NME7: variants seen among roughly 807,000 people sequenced by gnomAD.
The protein encoded by NME7 is NME/NM23 family member 7.
Under a neutral mutation model 49.1 loss-of-function variants are expected in NME7, and 41 were observed. The ratio of observed to expected loss-of-function variants is 0.83; its 90% CI spans 0.65 to 1.08. NME7 has a LOEUF of 1.08. NME7 is among the 50% of genes least tolerant of loss of function. The pLI, the probability that NME7 is intolerant of heterozygous loss-of-function variation, is 0.00. For synonymous variants in NME7, 139 were observed against 150.6 expected (o/e 0.92, Z 0.56); for missense variants, 423 against 463.4 (o/e 0.91, Z 0.80).
intron 10 of NME7, among the ~76,000 whole-genome samples, chr1:169,228,697 A>G (rs1647454556): frequency 6.6e-6 from 1 of 150,816 alleles, no homozygotes; most frequent in African/African-American, 2.4e-5. Context: ...AAAAAAAAAA[A>G]AAAAAAAAAG....
chr1:169,208,436 ATT>A (rs1660729254), intron 10 of NME7, among the ~76,000 whole-genome samples: 1 of 152,150 alleles, frequency 6.6e-6, no homozygotes, highest in Non-Finnish European at 1.5e-5. Flanking sequence ...TACTGTGTAT[ATT>A]ATCTCTGTAA....
intron 7 of NME7, among the ~76,000 whole-genome samples, chr1:169,282,731 T>G (rs1197626841): frequency 1.3e-5 from 2 of 152,206 alleles, no homozygotes; most frequent in East Asian, 3.8e-4. Flanking sequence ...AGGAGCAGGT[T>G]GTTCAGTTTC....
At chr1:169,220,557 C>T (rs770608592) in intron 10 of NME7, among the ~76,000 whole-genome samples, 1 of 152,122 alleles carries the variant, frequency 6.6e-6, no homozygotes, top group Non-Finnish European at 1.5e-5. Context: ...CTTCATTAAA[C>T]ACATGATCAT....
At chr1:169,286,974 C>G in intron 7 of NME7, 1 of 121,524 alleles carries the variant, frequency 8.2e-6, no homozygotes. Flanking sequence ...AAAAAAAGTG[C>G]TATTGAAGTA....
chr1:169,319,499 G>A (rs573943256), intron 3 of NME7, among the ~76,000 whole-genome samples: 4 of 152,274 alleles, frequency 2.6e-5, no homozygotes, highest in African/African-American at 4.8e-5. Flanking sequence ...CCAGGGAGAA[G>A]TATTCTTAAG....
chr1:169,185,155 T>TA (rs1660033071), intron 10 of NME7, among the ~76,000 whole-genome samples: 1 of 152,178 alleles, frequency 6.6e-6, no homozygotes, highest in African/African-American at 2.4e-5. Context: ...GTCAGCATGA[T>TA]ACAATTTCTT....
At position 169,367,784 on chromosome 1, in the gene NME7, G is replaced by A. The variant is rs1653944454; in HGVS notation, c.-74C>T. ...ACACCACCACCACCACCATCATACG[G>A]TTACTCAGGCAACAAAGCCCCGCCC... is the stretch of plus-strand genomic sequence containing the variant. On this transcript the variant is annotated 5_prime_UTR_variant, in exon 1 of 12. Coordinates refer to ENST00000367811, the MANE Select transcript of NME7 (RefSeq NM_013330.5). The A allele has an allele frequency of 6.3e-7, 1 of 1,594,978 alleles. No homozygotes were observed. Among genetic ancestry groups the A allele is most frequent in the Non-Finnish European group, 8.6e-7 (1 of 1,163,426 alleles).
In NME7 at chr1:169,280,504, T is replaced by C. The variant is rs528308477; in HGVS notation, c.754+6799A>G. ...TTATGGCTTTTGTTGCCATTGCTTT[T>C]GGTGTTTTAGACATAAAGTCTTTGC... On this transcript the variant is annotated intron_variant, in intron 7 of 11. Transcript: ENST00000367811. 3.4e-5 allele frequency among the ~76,000 whole-genome samples: 5 copies of C among 148,954 alleles called. 1 individual carries two copies. The highest frequency in any genetic ancestry group is 1.2e-4 in the African/African-American group (5 of 41,128).
At chr1:169,307,048 T>C (rs1435857809) in intron 4 of NME7, among the ~76,000 whole-genome samples, 1 of 152,130 alleles carries the variant, frequency 6.6e-6, no homozygotes. Flanking sequence ...GTGGAGTTTG[T>C]GAACTGTAGA....
chr1:169,312,085 G>A (rs868060667), intron 3 of NME7, among the ~76,000 whole-genome samples: 3 of 152,188 alleles, frequency 2.0e-5, no homozygotes, highest in Non-Finnish European at 4.4e-5. Context: ...ATCCACATAT[G>A]TAGTGGCGTA....
intron 7 of NME7, among the ~76,000 whole-genome samples, chr1:169,247,873 T>C (rs982433658): frequency 3.9e-5 from 6 of 152,206 alleles, no homozygotes; most frequent in Non-Finnish European, 7.3e-5. Context: ...ATTTTCTTTA[T>C]CCACTCATTC....
At chr1:169,214,745 G>C (rs1251844568) in intron 10 of NME7, among the ~76,000 whole-genome samples, 2 of 152,230 alleles carry the variant, frequency 1.3e-5, no homozygotes, top group African/African-American at 4.8e-5. Context: ...GGCATGCGTA[G>C]GTGAGCAAAT....
Position 169,262,473 on chromosome 1 carries a change from T to C in NME7, c.755-24786A>G, listed in dbSNP as rs1649194319. On this transcript the variant is annotated intron_variant, in intron 7 of 11. Transcript: ENST00000367811. ...TGGATATCTGGGGGCAGGGCTAAGA[T>C]GGTAGACTGGAAGTAGTTCATGTGT... 1.5e-5 allele frequency among the ~76,000 whole-genome samples: 2 copies of C among 134,252 alleles called. 1 individual carries two copies. The highest frequency in any genetic ancestry group is 5.1e-5 in the African/African-American group (2 of 39,592). 88.1% of individuals were successfully genotyped at this position (134,252 alleles called of 152,430 possible).
intron 10 of NME7, among the ~76,000 whole-genome samples, chr1:169,214,971 C>T (rs554821248): frequency 6.6e-6 from 1 of 152,260 alleles, no homozygotes; most frequent in Non-Finnish European, 1.5e-5. Flanking sequence ...GGGCAAAGGG[C>T]CAGTGTGACA....
intron 1 of NME7, among the ~76,000 whole-genome samples, chr1:169,340,309 C>T (rs1650524330): frequency 6.6e-6 from 1 of 152,172 alleles, no homozygotes; most frequent in Admixed American, 6.5e-5. Flanking sequence ...CTCTCTCCTG[C>T]CGCCTTGTGA....
chr1:169,321,882 T>C (rs566181347), intron 3 of NME7, among the ~76,000 whole-genome samples: 7 of 152,276 alleles, frequency 4.6e-5, no homozygotes, highest in African/African-American at 1.4e-4. Context: ...TTTATACATA[T>C]AGCCTTAACT....
At chr1:169,135,014 CAAAAAAAAAAAAAAAAA>C (rs58463903) in intron 11 of NME7, among the ~76,000 whole-genome samples, 1 of 50,388 alleles carries the variant, frequency 2.0e-5, no homozygotes, top group Non-Finnish European at 3.7e-5. Flanking sequence ...CCCGTCTCTA[CAAAAAAAAAAAAAAAAA>C]AAAAAAAAAA....
At position 169,150,857 on chromosome 1, in the gene NME7, G is replaced by T. The variant is rs558828890; in HGVS notation, c.1099-18040C>A. On this transcript the variant is annotated intron_variant, in intron 11 of 11. Transcript: ENST00000367811. ...AATTTCTTGCAAGGCAATATAATTT[G>T]CTCTTCAAACATAAAAGGCTACACT... Among the ~76,000 whole-genome samples, 10 of 151,644 alleles carry T rather than the reference G, an allele frequency of 6.6e-5. No homozygotes were observed. In the East Asian group the frequency reaches 1.4e-3, roughly 21 times the overall value.
intron 11 of NME7, among the ~76,000 whole-genome samples, chr1:169,133,040 G>C (rs1485987989): frequency 6.6e-6 from 1 of 152,064 alleles, no homozygotes; most frequent in African/African-American, 2.4e-5. Context: ...ACTCAGTTTA[G>C]AAAACATGAA....
Sources: gnomAD v4.1 joint callset for allele counts (sites outside exome capture counted in the v4.1 genomes callset) on GRCh38, gnomAD v4.1.1 for gene constraint, MANE v1.5 for transcripts, NCBI Gene and HGNC (gene_info 2026-07-23, HGNC 2026-07-21) for gene names.